PRRC2C: variants seen among roughly 807,000 people sequenced by gnomAD.
The protein encoded by PRRC2C is protein PRRC2C.
A neutral mutation model predicts 317.2 loss-of-function variants in PRRC2C; 72 were observed. That is an observed-to-expected ratio of 0.23 (90% confidence interval 0.19 to 0.28). The LOEUF (loss-of-function observed/expected upper bound fraction) is 0.28. Among genes scored for constraint, PRRC2C ranks in the 10% least tolerant of loss-of-function variants. The pLI is 1.00. For synonymous variants in PRRC2C, 1,296 were observed against 1,205.9 expected, an observed-to-expected ratio of 1.07 and a Z score of -1.55; for missense variants, 3,074 against 3,459.7, an observed-to-expected ratio of 0.89 and a Z score of 2.80.
Position 171,541,218 on chromosome 1 carries a change from C to G in PRRC2C, c.3752C>G (p.Ser1251Cys), listed in dbSNP as rs1677882726. The change falls in exon 16 of 35, where the codon TCT (serine) becomes TGT (cysteine). Residue 1251 changes from serine to cysteine, a missense_variant. By Grantham distance (112) the Ser-to-Cys change is moderately radical. This residue lies in a region of PRRC2C where 1,320 missense variants were observed against 1,395.7 expected (regional missense o/e 0.95). Transcript: ENST00000647382. The surrounding 1 kb of genome is among the most constrained non-coding windows in gnomAD (Gnocchi z 4.1). ...REESETRSES[S>C]DFEVVPKRRR... ...GAAAGTGAAACACGGAGTGAGAGCT[C>G]TGATTTTGAAGTTGTCCCCAAAAGA... The G allele has an allele frequency of 1.2e-6, 2 of 1,613,376 alleles. No homozygotes were observed. Among genetic ancestry groups the G allele is most frequent in the Admixed American group, 1.7e-5 (1 of 59,872 alleles).
At chr1:171,500,821 T>C (rs1433889588) in intron 1 of PRRC2C, among the ~76,000 whole-genome samples, 1 of 152,220 alleles carries the variant, frequency 6.6e-6, no homozygotes, top group Admixed American at 6.5e-5. Context: ...ATTTCTTTTT[T>C]TCCTCCCCCC....
chr1:171,501,904 A>AT lies in PRRC2C; in HGVS notation c.-57-10121dup, dbSNP rs200050147. 3.9e-3 allele frequency among the ~76,000 whole-genome samples: 589 copies of AT among 152,222 alleles called. 3 individuals carry two copies. The highest frequency in any genetic ancestry group is 0.013 in the African/African-American group (537 of 41,540). ...CATCTGTGCCTACTCAGCAATTGAG[A>AT]TTTTTTTACTAGCTTTTTCCTCCAG... On this transcript the variant is annotated intron_variant, in intron 1 of 34. Coordinates refer to ENST00000647382, the MANE Select transcript of PRRC2C (RefSeq NM_001387844.1).
chr1:171,574,234 G>A (rs2102778884), intron 24 of PRRC2C, among the ~76,000 whole-genome samples: 1 of 152,026 alleles, frequency 6.6e-6, no homozygotes, highest in African/African-American at 2.4e-5. Context: ...TGAATTAAAT[G>A]TTTTCAAAAT....
intron 12 of PRRC2C, among the ~76,000 whole-genome samples, 185 bp from the exon 13 acceptor site, chr1:171,535,243 A>G (rs1676602541): frequency 6.6e-6 from 1 of 152,218 alleles, no homozygotes; most frequent in Non-Finnish European, 1.5e-5. Flanking sequence ...AGGAAATCTA[A>G]GGTTTTGATA....
intron 23 of PRRC2C, among the ~76,000 whole-genome samples, chr1:171,570,539 C>G (rs1394363122): frequency 1.3e-5 from 2 of 152,164 alleles, no homozygotes; most frequent in African/African-American, 4.8e-5. Flanking sequence ...TATCTTAAAA[C>G]TCTCAAGCAT....
intron 6 of PRRC2C, among the ~76,000 whole-genome samples, chr1:171,520,639 A>G (rs1244640704): frequency 6.6e-5 from 10 of 152,134 alleles, no homozygotes; most frequent in Admixed American, 6.5e-4. Flanking sequence ...TTAGCTATGA[A>G]CATATGCCTC....
In PRRC2C at chr1:171,532,379, C is replaced by A; in HGVS notation, c.1291C>A (p.Pro431Thr). The change falls in exon 12 of 35, where the codon CCA (proline) becomes ACA (threonine). Residue 431 changes from proline (P) to threonine (T), a missense_variant. By Grantham distance (38) the Pro-to-Thr change is conservative (BLOSUM62 -1). Transcript: ENST00000647382. Reference protein sequence around the residue: ...PPDRQAVPGRPGPFPSKQQVA... With the variant: ...PPDRQAVPGRTGPFPSKQQVA... ...AGATCGACAGGCAGTACCTGGAAGACCAGGCCCCTTTCCCTCCAAGCAGCA... is the reference window on the plus strand; with the variant it reads ...AGATCGACAGGCAGTACCTGGAAGAACAGGCCCCTTTCCCTCCAAGCAGCA... 1 of 1,613,768 alleles carries A rather than the reference C, an allele frequency of 6.2e-7. No individual in the cohort carries two copies. Among genetic ancestry groups the A allele is most frequent in the East Asian group, 2.2e-5 (1 of 44,882 alleles).
At position 171,541,070 on chromosome 1, in the gene PRRC2C, T is replaced by C; in HGVS notation, c.3604T>C (p.Tyr1202His). 6.2e-7 allele frequency: 1 copy of C among 1,613,676 alleles called. No homozygotes were observed. The change falls in exon 16 of 35, where the codon TAT (tyrosine) becomes CAT (histidine). Residue 1202 changes from tyrosine to histidine, a missense_variant. Around this residue, in one of 11 missense-constraint regions of PRRC2C, gnomAD observed 1,320 missense variants for 1,395.7 expected, o/e 0.95. Transcript: ENST00000647382. This position sits in a 1 kb window ranked among gnomAD's most constrained non-coding sequence, Gnocchi z 4.1. ...RGEYYSRGRS[Y>H]RGSYGGRGRG... ...TGAATATTACTCCAGAGGTCGAAGC[T>C]ATAGAGGTTCTTATGGAGGGCGTGG...
chr1:171,512,196 C>A lies in PRRC2C; in HGVS notation c.108C>A (p.Thr36=). 1 of 1,542,544 alleles carries A rather than the reference C, an allele frequency of 6.5e-7. No individual in the cohort carries two copies. The highest frequency in any genetic ancestry group is 1.2e-5 in the South Asian group (1 of 84,554). The change falls in exon 2 of 35, where the codon ACC becomes ACA. Residue 36 remains threonine, a synonymous_variant. Transcript: ENST00000647382. ...GGAAATCATTAGAAACACAGAAAACCACAGGTGAGTAAAATCAAGTGACAC... is the reference window on the plus strand; with the variant it reads ...GGAAATCATTAGAAACACAGAAAACAACAGGTGAGTAAAATCAAGTGACAC... The part of the protein sequence containing the change: ...YKGKSLETQK[T]TVAARHGLQS...
intron 34 of PRRC2C, among the ~76,000 whole-genome samples, chr1:171,590,070 T>A (rs1037797798): frequency 3.3e-5 from 5 of 151,906 alleles, no homozygotes; most frequent in African/African-American, 1.2e-4. Context: ...AAATCATGGT[T>A]ATATGAAAAC....
At chr1:171,561,572 A>G (rs866518584) in intron 20 of PRRC2C, among the ~76,000 whole-genome samples, 21 of 152,314 alleles carry the variant, frequency 1.4e-4, no homozygotes, top group Admixed American at 1.0e-3. Context: ...GTTTGAATAA[A>G]TGCTAACAAT....
intron 3 of PRRC2C, 198 bp downstream of exon 3, chr1:171,513,370 A>G (rs779496776): frequency 3.7e-5 from 26 of 710,290 alleles, no homozygotes; most frequent in Non-Finnish European, 5.4e-5. Context: ...AGGGTAGAAC[A>G]GATGACAGAA....
intron 17 of PRRC2C, among the ~76,000 whole-genome samples, chr1:171,548,064 C>G (rs968590871): frequency 6.6e-6 from 1 of 152,186 alleles, no homozygotes; most frequent in Non-Finnish European, 1.5e-5. Context: ...CTCCCAGGTT[C>G]AAGCGATTCT....
chr1:171,548,269 A>G (rs991912706), intron 17 of PRRC2C, among the ~76,000 whole-genome samples: 1 of 152,158 alleles, frequency 6.6e-6, no homozygotes, highest in Non-Finnish European at 1.5e-5. Flanking sequence ...ATGCCCAGCC[A>G]GTTTCTAAGG....
rs562153796 is a variant in PRRC2C, at chr1:171,548,069, G to A, written c.4973-2017G>A. ...CAACCTCTGCCTCCCAGGTTCAAGC[G>A]ATTCTCCTACCTCAACCTTCTGAAT... On this transcript the variant is annotated intron_variant, in intron 17 of 34. Coordinates refer to ENST00000647382, the MANE Select transcript of PRRC2C (RefSeq NM_001387844.1). Among the ~76,000 whole-genome samples the A allele has an allele frequency of 4.6e-5, 7 of 152,248 alleles. No individual in the cohort carries two copies. In the South Asian group the frequency reaches 1.4e-3, roughly 32 times the overall value.
At chr1:171,491,024 A>G (rs923164345) in intron 1 of PRRC2C, among the ~76,000 whole-genome samples, 2 of 152,174 alleles carry the variant, frequency 1.3e-5, no homozygotes, top group Non-Finnish European at 2.9e-5. Context: ...GTATTTCTAT[A>G]TATCTTCTGA....
At chr1:171,527,333 A>G (rs1359829160) in intron 10 of PRRC2C, among the ~76,000 whole-genome samples, 1 of 146,624 alleles carries the variant, frequency 6.8e-6, no homozygotes, top group Non-Finnish European at 1.5e-5. Context: ...GGGTTTTGCC[A>G]TGTTGGCCAG....
At chr1:171,557,176 G>A in intron 18 of PRRC2C, 64 bp from the exon 19 acceptor site, 1 of 1,463,818 alleles carries the variant, frequency 6.8e-7, no homozygotes, top group Non-Finnish European at 9.0e-7. Flanking sequence ...GTTAAAAGTT[G>A]CATTTATGAA....
chr1:171,524,877 A>C lies in PRRC2C; in HGVS notation c.1112A>C (p.Glu371Ala). ...ENNENKKETD[E>A]VSNTKSSSQI... is the part of the protein sequence containing the mutation. ...AACGAAAACAAAAAAGAAACAGATG[A>C]AGTTTCCAACACTAAATCATCTTCC... is the stretch of plus-strand genomic sequence containing the variant. Residue 371 changes from glutamate (E) to alanine (A), a missense_variant, in exon 10 of 35, where the codon GAA becomes GCA. Around this residue, in one of 11 missense-constraint regions of PRRC2C, gnomAD observed 1,320 missense variants for 1,395.7 expected, o/e 0.95. Transcript: ENST00000647382. 1 of 1,606,002 alleles carries C rather than the reference A, an allele frequency of 6.2e-7. No individual in the cohort carries two copies. Among genetic ancestry groups the C allele is most frequent in the Non-Finnish European group, 8.5e-7 (1 of 1,175,800 alleles).
Sources: gnomAD v4.1 joint callset for allele counts (sites outside exome capture counted in the v4.1 genomes callset) on GRCh38, gnomAD v4.1.1 for gene constraint, gnomAD v4.1.1 regional missense constraint, Gnocchi (gnomAD v3.1) non-coding constraint, MANE v1.5 for transcripts, NCBI Gene and HGNC (gene_info 2026-07-23, HGNC 2026-07-21) for gene names.